Variants in NSMF observed in about 807,000 individuals in gnomAD.
NSMF encodes NMDA receptor synaptonuclear signaling and neuronal migration factor, also known as nasal embryonic LHRH factor.
NSMF carries 31 observed loss-of-function variants against 71.0 expected under a neutral mutation model. That is an observed-to-expected ratio of 0.44 (90% CI 0.33 to 0.59). The LOEUF is 0.59. NSMF is among the 20% of genes least tolerant of loss of function. The probability of loss-of-function intolerance (pLI) is 0.04; values close to 1 mark genes in which losing one functional copy is unlikely to be tolerated. For synonymous variants in NSMF, 345 were observed against 287.1 expected, an observed-to-expected ratio of 1.20 and a Z score of -2.04; for missense variants, 673 against 740.5, an observed-to-expected ratio of 0.91 and a Z score of 1.06.
chr9:137,454,513 C>A (rs971748019), intron 6 of NSMF, 70 bp from the exon 7 acceptor site: 87 of 1,549,300 alleles, frequency 5.6e-5, no homozygotes, highest in Admixed American at 1.4e-4. Context: ...ACCTAGCCCC[C>A]GTCGGGTCAT....
At chr9:137,456,387 C>A (rs747381560) in intron 4 of NSMF, 24 bp downstream of exon 4, 1 of 1,594,642 alleles carries the variant, frequency 6.3e-7, no homozygotes. Flanking sequence ...AACCCTGACC[C>A]CAAGTCGTGG....
chr9:137,450,341 T>C, intron 12 of NSMF, 86 bp from the exon 13 acceptor site: 1 of 1,153,266 alleles, frequency 8.7e-7, no homozygotes, highest in South Asian at 1.2e-5. Context: ...TGGGAGGTAG[T>C]TTTGGTCTTC....
chr9:137,452,966 C>G, intron 9 of NSMF, 90 bp downstream of exon 9: 3 of 1,595,918 alleles, frequency 1.9e-6, no homozygotes, highest in Non-Finnish European at 2.6e-6. Flanking sequence ...CTGGAGAAGG[C>G]TGCGTGGTCC....
In NSMF at chr9:137,454,511, C is replaced by G. The variant is rs1211896289; in HGVS notation, c.780-68G>C. On this transcript the variant is annotated intron_variant, in intron 6 of 15. Transcript: ENST00000371475. ...GACGGCAGCCCCTGCCCACCTAGCC[C>G]CCGTCGGGTCATGGCTCTACTCTCA... 14 of 1,549,332 alleles carry G rather than the reference C, an allele frequency of 9.0e-6. No homozygotes were observed. In the South Asian group the frequency reaches 1.7e-4, roughly 18 times the overall value.
Position 137,453,837 on chromosome 9 carries a change from C to A in NSMF, c.833-17G>T, listed in dbSNP as rs759305988. 2.5e-6 allele frequency: 4 copies of A among 1,572,828 alleles called. No individual in the cohort carries two copies. In the East Asian group the frequency reaches 6.9e-5, roughly 27 times the overall value. On this transcript the variant is annotated splice_polypyrimidine_tract_variant and intron_variant, in intron 7 of 15. Transcript: ENST00000371475. This position sits in a 1 kb window ranked among gnomAD's most constrained non-coding sequence, Gnocchi z 4.5. ...CAGCGAACGCTGCAGAGAGCAAAAC[C>A]CGCATTAGCGAGCGGGTGGGGCGGG...
intron 15 of NSMF, 25 bp downstream of exon 15, chr9:137,449,574 C>G: frequency 1.2e-6 from 2 of 1,611,620 alleles, no homozygotes; most frequent in Non-Finnish European, 8.5e-7. Context: ...GGCTGCAGAG[C>G]TTCGGCCCAG....
At chr9:137,452,267 C>A in intron 12 of NSMF, 98 bp downstream of exon 12, 2 of 1,134,958 alleles carry the variant, frequency 1.8e-6, no homozygotes, top group Non-Finnish European at 2.6e-6. Flanking sequence ...ACCCCAACCT[C>A]TTCCCCTTGG....
In NSMF at chr9:137,456,413, T is replaced by C; in HGVS notation, c.702A>G (p.Gln234=). Reference sequence around the variant, plus strand: ...CAAGTCGTGGGCACAAGACTCACGCTTGCATAGTTGTGGTTGCTGTCTGGA... The same window carrying C: ...CAAGTCGTGGGCACAAGACTCACGCCTGCATAGTTGTGGTTGCTGTCTGGA... ...FSFQTATTTM[Q]AISVFRGYAE... Residue 234 remains glutamine (Q), a splice_region_variant and synonymous_variant, in exon 4 of 16, where the codon CAA becomes CAG. Transcript: ENST00000371475. The C allele has an allele frequency of 6.2e-7, 1 of 1,612,092 alleles. No homozygotes were observed. The highest frequency in any genetic ancestry group is 1.7e-5 in the Admixed American group (1 of 60,024).
At chr9:137,449,562 G>C in intron 15 of NSMF, 37 bp downstream of exon 15, 1 of 1,611,364 alleles carries the variant, frequency 6.2e-7, no homozygotes, top group Non-Finnish European at 8.5e-7. Context: ...TGGCCCCGCA[G>C]TGGCTGCAGA....
chr9:137,458,372 G>A lies in NSMF; in HGVS notation c.133+116C>T, dbSNP rs941276011. 6 of 941,966 alleles carry A rather than the reference G, an allele frequency of 6.4e-6. No homozygotes were observed. In the African/African-American group the frequency reaches 6.5e-5, roughly 10 times the overall value. 58.4% of individuals were successfully genotyped at this position (941,966 alleles called of 1,614,324 possible). A position where few individuals can be genotyped will look rare whatever the true frequency, so the allele number is the denominator to read the frequency against. On this transcript the variant is annotated intron_variant, in intron 2 of 15. Coordinates refer to ENST00000371475, the MANE Select transcript of NSMF (RefSeq NM_001130969.3). The stretch of plus-strand genomic sequence containing the variant: ...GGGATGTAAGGAAGCCAGGCCGGCA[G>A]GGCGCCGGGCCCACGCGCAACCAAT...
Position 137,455,291 on chromosome 9 carries a change from C to T in NSMF, c.727G>A (p.Ala243Thr), listed in dbSNP as rs767044397. 9.9e-6 allele frequency: 16 copies of T among 1,612,684 alleles called. No homozygotes were observed. The highest frequency in any genetic ancestry group is 1.6e-4 in the Middle Eastern group (1 of 6,084). The change falls in exon 6 of 16, where the codon GCG becomes ACG. Residue 243 changes from alanine to threonine, a missense_variant. Coordinates refer to ENST00000371475, the MANE Select transcript of NSMF (RefSeq NM_001130969.3). Reference sequence around the variant, plus strand: ...TCCCGTTTCCGGCGCTTCCTCTCCGCGTAGCCCCTGAACACCCTGGGAAAC... The same window carrying T: ...TCCCGTTTCCGGCGCTTCCTCTCCGTGTAGCCCCTGAACACCCTGGGAAAC... ...MQAISVFRGYAERKRRKREND... is the reference protein window; with the variant it reads ...MQAISVFRGYTERKRRKREND...
Position 137,459,052 on chromosome 9 carries a change from G to A in NSMF, c.51C>T (p.Ser17=). 1.6e-6 allele frequency: 2 copies of A among 1,290,286 alleles called. No individual in the cohort carries two copies. The highest frequency in any genetic ancestry group is 2.0e-6 in the Non-Finnish European group (2 of 1,019,036). 79.9% of individuals were successfully genotyped at this position (1,290,286 alleles called of 1,614,324 possible). A position where few individuals can be genotyped will look rare whatever the true frequency, so the allele number is the denominator to read the frequency against. ...CTCACCGCACTTTGGCCGCCACCGA[G>A]GACATGGCCTCGCTCCTCAGCGCCC... ...RRRALRSEAM[S]SVAAKVRAAR... is the part of the protein sequence containing the mutation. The change falls in exon 1 of 16, where the codon TCC becomes TCT. Residue 17 remains serine, a synonymous_variant. Transcript: ENST00000371475.
rs1455953094 is a variant in NSMF at position 137,447,932 on chromosome 9, C to G, written c.*1462G>C. 6.6e-6 allele frequency: 1 copy of G among 152,204 alleles called. No individual in the cohort carries two copies. The highest frequency in any genetic ancestry group is 2.4e-5 in the African/African-American group (1 of 41,438). 9.4% of individuals were successfully genotyped at this position (152,204 alleles called of 1,614,324 possible). A position where few individuals can be genotyped will look rare whatever the true frequency, so the allele number is the denominator to read the frequency against. ...CAGTGTGGCGTGAGGGACATACAGCCCTCTCCCTGGTGCCCTCAGGCGGCA... is the reference window on the plus strand; with the variant it reads ...CAGTGTGGCGTGAGGGACATACAGCGCTCTCCCTGGTGCCCTCAGGCGGCA... On this transcript the variant is annotated 3_prime_UTR_variant, in exon 16 of 16. Transcript: ENST00000371475.
chr9:137,459,238 G>C lies in NSMF; in HGVS notation c.-136C>G, dbSNP rs1831051125. On this transcript the variant is annotated 5_prime_UTR_variant, in exon 1 of 16. Transcript: ENST00000371475. ...CTCGCTCGGGCTCCGGCTCGGGCTTGGGCTCGGGGTCGGGCTCGGGGTCGG... is the reference window on the plus strand; with the variant it reads ...CTCGCTCGGGCTCCGGCTCGGGCTTCGGCTCGGGGTCGGGCTCGGGGTCGG... 1.7e-6 allele frequency: 1 copy of C among 575,162 alleles called. No individual in the cohort carries two copies. Among genetic ancestry groups the C allele is most frequent in the Non-Finnish European group, 2.2e-6 (1 of 446,040 alleles). 35.6% of individuals were successfully genotyped at this position (575,162 alleles called of 1,614,324 possible). A position where few individuals can be genotyped will look rare whatever the true frequency, so the allele number is the denominator to read the frequency against.
Position 137,453,649 on chromosome 9 carries a change from C to T in NSMF, c.922+82G>A, listed in dbSNP as rs2131984866. Reference sequence around the variant, plus strand: ...GGAGTGCAAAAGCGCAGCCCAGCGGCCCTGGCAGGGGACCCCCAGCAGGGG... The same window carrying T: ...GGAGTGCAAAAGCGCAGCCCAGCGGTCCTGGCAGGGGACCCCCAGCAGGGG... On this transcript the variant is annotated intron_variant, in intron 8 of 15. Transcript: ENST00000371475. This position sits in a 1 kb window ranked among gnomAD's most constrained non-coding sequence, Gnocchi z 4.5. 9.1e-7 allele frequency: 1 copy of T among 1,102,480 alleles called. No individual in the cohort carries two copies. Among genetic ancestry groups the T allele is most frequent in the African/African-American group, 1.6e-5 (1 of 63,500 alleles). 68.3% of individuals were successfully genotyped at this position (1,102,480 alleles called of 1,614,324 possible).
chr9:137,458,016 G>A (rs1564269460), intron 2 of NSMF, 115 bp from the exon 3 acceptor site: 1 of 1,444,524 alleles, frequency 6.9e-7, no homozygotes, highest in Non-Finnish European at 9.4e-7. Flanking sequence ...TGGGGGACTA[G>A]GGCTGCCCAA....
At chr9:137,452,334 T>C (rs1362580035) in intron 12 of NSMF, 31 bp downstream of exon 12, 1 of 1,587,768 alleles carries the variant, frequency 6.3e-7, no homozygotes, top group African/African-American at 1.4e-5. Flanking sequence ...ACGATTCTTC[T>C]CCTGGTCAGG....
chr9:137,458,011 G>A (rs147221076), intron 2 of NSMF, 110 bp from the exon 3 acceptor site: 14 of 1,466,834 alleles, frequency 9.5e-6, no homozygotes, highest in East Asian at 2.5e-5. Flanking sequence ...CTCTGTGGGG[G>A]ACTAGGGCTG....
At position 137,456,411 on chromosome 9, in the gene NSMF, G is replaced by A. The variant is rs1288914484; in HGVS notation, c.704C>T (p.Ala235Val). The A allele has an allele frequency of 5.0e-6, 8 of 1,611,432 alleles. No homozygotes were observed. Among genetic ancestry groups the A allele is most frequent in the African/African-American group, 1.3e-5 (1 of 74,910 alleles). ...CCCAAGTCGTGGGCACAAGACTCAC[G>A]CTTGCATAGTTGTGGTTGCTGTCTG... is the stretch of plus-strand genomic sequence containing the variant. ...SFQTATTTMQ[A>V]ISVFRGYAER... The change falls in exon 4 of 16, where the codon GCC (alanine) becomes GTC (valine). Residue 235 changes from alanine (A) to valine (V), a missense_variant and splice_region_variant. Physicochemically the swap from Ala to Val is moderately conservative, Grantham distance 64. Coordinates refer to ENST00000371475, the MANE Select transcript of NSMF (RefSeq NM_001130969.3).
Sources: gnomAD v4.1 joint callset for allele counts on GRCh38, gnomAD v4.1.1 for gene constraint, Gnocchi (gnomAD v3.1) non-coding constraint, MANE v1.5 for transcripts, NCBI Gene and HGNC (gene_info 2026-07-23, HGNC 2026-07-21) for gene names.